COQ5: variants seen among roughly 807,000 people sequenced by gnomAD.
COQ5 encodes coenzyme Q5, methyltransferase.
COQ5 carries 27 observed loss-of-function variants against 40.5 expected under a neutral mutation model. The ratio of observed to expected loss-of-function variants is 0.67; its 90% CI spans 0.49 to 0.92. The LOEUF is 0.92. Among genes scored for constraint, COQ5 ranks in the 40% least tolerant of loss-of-function variants. The pLI, the probability that COQ5 is intolerant of heterozygous loss-of-function variation, is 0.00. For missense variants in COQ5, 409 were observed against 406.4 expected (o/e 1.01, Z -0.06); for synonymous variants, 141 against 150.0 (o/e 0.94, Z 0.44).
chr12:120,522,211 TACCTG>T lies in COQ5; in HGVS notation c.350_352+2del, dbSNP rs1187743085. 7.4e-6 allele frequency: 12 copies of T among 1,614,030 alleles called. No homozygotes were observed. The highest frequency in any genetic ancestry group is 1.0e-5 in the Non-Finnish European group (12 of 1,180,022). ...TAGTGAAGGATACCAAACTCGACATTACCTGTGCCTCCAGCAACATCAAGCAGCTG... is the reference window on the plus strand; with the variant it reads ...TAGTGAAGGATACCAAACTCGACATTTGCCTCCAGCAACATCAAGCAGCTG... On this transcript the variant is annotated splice_donor_variant and coding_sequence_variant, in exon 2 of 7. Coordinates refer to ENST00000288532, the MANE Select transcript of COQ5 (RefSeq NM_032314.4). LOFTEE classifies it high-confidence loss of function.
In COQ5 at chr12:120,504,029, C is replaced by T. The variant is rs201170387; in HGVS notation, c.823G>A (p.Ala275Thr). 17 of 1,613,768 alleles carry T rather than the reference C, an allele frequency of 1.1e-5. No individual in the cohort carries two copies. The highest frequency in any genetic ancestry group is 5.3e-5 in the African/African-American group (4 of 75,040). The change falls in exon 6 of 7, where the codon GCT becomes ACT. Residue 275 changes from alanine to threonine, a missense_variant. By Grantham distance (58) the Ala-to-Thr change is moderately conservative. Transcript: ENST00000288532. ...QVIPVLGEVIAGDWKSYQYLV... is the reference protein window; with the variant it reads ...QVIPVLGEVITGDWKSYQYLV... ...TACTGATAGGACTTCCAGTCTCCAG[C>T]GATGACCTCTCCCAGGACAGGGATG...
intron 1 of COQ5, among the ~76,000 whole-genome samples, chr12:120,528,268 G>A (rs932190713): frequency 1.3e-5 from 2 of 151,956 alleles, no homozygotes; most frequent in Admixed American, 1.3e-4. Flanking sequence ...TTCTCTAGAG[G>A]TAAAGAACGG....
At chr12:120,521,647 G>C (rs1869662350) in intron 2 of COQ5, among the ~76,000 whole-genome samples, 1 of 140,430 alleles carries the variant, frequency 7.1e-6, no homozygotes. Flanking sequence ...CTGCTGCACT[G>C]CAGTCTGGGA....
chr12:120,521,808 G>C (rs141838835), intron 2 of COQ5, among the ~76,000 whole-genome samples: 6,915 of 152,058 alleles, frequency 0.045, 265 homozygotes, highest in South Asian at 0.1. Flanking sequence ...ACCAGCCTGG[G>C]AAACACAGTG....
intron 2 of COQ5, among the ~76,000 whole-genome samples, chr12:120,517,399 G>T (rs961246563): frequency 3.3e-5 from 5 of 151,264 alleles, no homozygotes; most frequent in African/African-American, 7.3e-5. Flanking sequence ...GGCCGGGCGC[G>T]GTGGCTCATG....
At position 120,528,660 on chromosome 12, in the gene COQ5, C is replaced by T. The variant is rs1338840826; in HGVS notation, c.202+280G>A. The stretch of plus-strand genomic sequence containing the variant: ...CTAGTAAGAATACAAAAAAGTTAGC[C>T]GGGCGTGCTGGCGGGCGCCTGTAAT... On this transcript the variant is annotated intron_variant, in intron 1 of 6. Coordinates refer to ENST00000288532, the MANE Select transcript of COQ5 (RefSeq NM_032314.4). 2.6e-5 allele frequency among the ~76,000 whole-genome samples: 4 copies of T among 151,710 alleles called. No individual in the cohort carries two copies. In the South Asian group the frequency reaches 6.3e-4, roughly 24 times the overall value.
In COQ5 at chr12:120,504,960, C is replaced by T. The variant is rs1173022532; in HGVS notation, c.705G>A (p.Val235=). ...AGAGAAACCGTCCTCCTGGTTTCAGCACCCGATGAGCTTCCTGGAGTGCCT... is the reference window on the plus strand; with the variant it reads ...AGAGAAACCGTCCTCCTGGTTTCAGTACCCGATGAGCTTCCTGGAGTGCCT... ...IDQALQEAHR[V]LKPGGRFLCL... is the part of the protein sequence containing the mutation. The change falls in exon 5 of 7, where the codon GTG becomes GTA. Residue 235 remains valine (V), a synonymous_variant. Coordinates refer to ENST00000288532, the MANE Select transcript of COQ5 (RefSeq NM_032314.4). 3 of 1,613,984 alleles carry T rather than the reference C, an allele frequency of 1.9e-6. No homozygotes were observed. The highest frequency in any genetic ancestry group is 1.1e-5 in the South Asian group (1 of 91,080).
In COQ5 at chr12:120,529,102, C is replaced by T. The variant is rs1041345943; in HGVS notation, c.40G>A (p.Gly14Ser). ...PGSCALWSYC[G>S]RGWSRAMRGC... is the part of the protein sequence containing the mutation. ...CGCATCGCCCGCGACCACCCACGGC[C>T]GCAATAGCTCCATAGAGCACAGCTC... Residue 14 changes from glycine (G) to serine (S), a missense_variant, in exon 1 of 7, where the codon GGC becomes AGC. Coordinates refer to ENST00000288532, the MANE Select transcript of COQ5 (RefSeq NM_032314.4). 2.5e-6 allele frequency: 4 copies of T among 1,614,118 alleles called. No individual in the cohort carries two copies. Among genetic ancestry groups the T allele is most frequent in the African/African-American group, 1.3e-5 (1 of 75,056 alleles).
At chr12:120,518,889 T>C (rs1869515997) in intron 2 of COQ5, among the ~76,000 whole-genome samples, 1 of 152,208 alleles carries the variant, frequency 6.6e-6, no homozygotes, top group Non-Finnish European at 1.5e-5. Flanking sequence ...AATTATTTTG[T>C]GCATCTTCTC....
chr12:120,519,368 G>A (rs550654986), intron 2 of COQ5, among the ~76,000 whole-genome samples: 60 of 152,226 alleles, frequency 3.9e-4, no homozygotes, highest in African/African-American at 1.3e-3. Flanking sequence ...AGGCCAGCCT[G>A]GCCAATATAG....
At chr12:120,513,455 T>G (rs1869233486) in intron 3 of COQ5, among the ~76,000 whole-genome samples, 1 of 150,500 alleles carries the variant, frequency 6.6e-6, no homozygotes, top group South Asian at 2.1e-4. Flanking sequence ...TGAGCCGAGA[T>G]TGCGCCACTG....
chr12:120,515,372 G>T (rs1481869410), intron 3 of COQ5, among the ~76,000 whole-genome samples: 1 of 152,226 alleles, frequency 6.6e-6, no homozygotes, highest in Non-Finnish European at 1.5e-5. Flanking sequence ...TTACAGGCAT[G>T]AGCCACCTCG....
At chr12:120,522,597 T>A (rs1869723495) in intron 1 of COQ5, 2 of 643,460 alleles carry the variant, frequency 3.1e-6, no homozygotes, top group Non-Finnish European at 5.5e-6. Context: ...CCCAGCCCCA[T>A]GCAGATGGCA....
intron 2 of COQ5, among the ~76,000 whole-genome samples, chr12:120,518,696 C>A (rs1258513190): frequency 6.6e-6 from 1 of 152,030 alleles, no homozygotes; most frequent in Non-Finnish European, 1.5e-5. Context: ...TCCTGAGTAG[C>A]TGGGATTACA....
chr12:120,524,909 C>T (rs1363367463), intron 1 of COQ5, among the ~76,000 whole-genome samples: 1 of 151,076 alleles, frequency 6.6e-6, no homozygotes, highest in African/African-American at 2.4e-5. Context: ...ACCTCCGCCT[C>T]CCGGCAATTC....
intron 1 of COQ5, chr12:120,523,141 A>T (rs1869757609): frequency 3.6e-6 from 1 of 277,218 alleles, no homozygotes; most frequent in East Asian, 6.9e-5. Context: ...GATCGAGACC[A>T]TCCTGGCTAA....
At chr12:120,515,102 T>C (rs549606750) in intron 3 of COQ5, among the ~76,000 whole-genome samples, 61 of 151,298 alleles carry the variant, frequency 4.0e-4, no homozygotes, top group African/African-American at 1.4e-3. Context: ...CAAATTTGCT[T>C]TTTTTTTGAG....
At position 120,526,698 on chromosome 12, in the gene COQ5, ATTTTTTTTTTTTT is replaced by A. The variant is rs61584250; in HGVS notation, c.202+2229_202+2241del. On this transcript the variant is annotated intron_variant, in intron 1 of 6. Transcript: ENST00000288532. ...AATAGTGCTCAAACTACTCTTGGCA[ATTTTTTTTTTTTT>A]TTTTTTTTTTTTTTTTTTTTTGAGA... Among the ~76,000 whole-genome samples, 287 of 64,164 alleles carry A rather than the reference ATTTTTTTTTTTTT, an allele frequency of 4.5e-3. 5 individuals are homozygous for A. The East Asian group carries it at 0.058, about 13-fold the overall frequency. The allele number at this position is 64,164 out of a possible 152,430, so 42.1% of individuals were successfully genotyped here.
chr12:120,515,064 A>AT (rs1399585448), intron 3 of COQ5, among the ~76,000 whole-genome samples: 1 of 151,528 alleles, frequency 6.6e-6, no homozygotes, highest in Non-Finnish European at 1.5e-5. Context: ...AAGTGCTGAG[A>AT]TTACAGGCGT....
Sources: gnomAD v4.1 joint callset for allele counts (sites outside exome capture counted in the v4.1 genomes callset) on GRCh38, gnomAD v4.1.1 for gene constraint, MANE v1.5 for transcripts, NCBI Gene and HGNC (gene_info 2026-07-23, HGNC 2026-07-21) for gene names.